The following DNAJC10 variants were observed in gnomAD, a reference collection of about 807,000 sequenced individuals.
The protein encoded by DNAJC10 is DnaJ heat shock protein family (Hsp40) member C10.
Under a neutral mutation model 115.0 loss-of-function variants are expected in DNAJC10, and 101 were observed. The observed-to-expected ratio is 0.88, with a 90% CI of 0.75 to 1.04. The LOEUF is 1.04. Among genes scored for constraint, DNAJC10 ranks in the 50% least tolerant of loss-of-function variants. The pLI is 0.00. For synonymous variants in DNAJC10, 307 were observed against 301.5 expected (o/e 1.02, Z -0.19); for missense variants, 981 against 928.8 (o/e 1.06, Z -0.73).
chr2:182,762,661 A>G (rs753334714), intron 21 of DNAJC10, 21 bp from the exon 22 acceptor site: 2 of 1,610,552 alleles, frequency 1.2e-6, no homozygotes, highest in East Asian at 2.2e-5. Flanking sequence ...GAAAATGGCA[A>G]ACTGTATTTT....
chr2:182,733,164 T>C (rs1015353153), intron 10 of DNAJC10, among the ~76,000 whole-genome samples: 3 of 152,076 alleles, frequency 2.0e-5, no homozygotes, highest in Admixed American at 6.5e-5. Context: ...CCATCCATCA[T>C]TGATTTATCT....
At chr2:182,753,594 T>TG (rs1218368084) in intron 16 of DNAJC10, among the ~76,000 whole-genome samples, 39 of 143,892 alleles carry the variant, frequency 2.7e-4, no homozygotes, top group African/African-American at 9.8e-4. Flanking sequence ...TTTTTTTTTT[T>TG]TTTTTTGAGA....
At chr2:182,734,302 C>T (rs1262153588) in intron 10 of DNAJC10, among the ~76,000 whole-genome samples, 1 of 151,282 alleles carries the variant, frequency 6.6e-6, no homozygotes, top group Non-Finnish European at 1.5e-5. Context: ...TTTTGATTAT[C>T]AGTTTAAAAT....
rs933734696 is a variant in DNAJC10, at chr2:182,784,628, A to T, written c.*7496A>T. On this transcript the variant is annotated 3_prime_UTR_variant, in exon 24 of 24. Coordinates refer to ENST00000264065, the MANE Select transcript of DNAJC10 (RefSeq NM_018981.4). ...TAAATTCATTGTTTTATGCCTTAAA[A>T]ATTATAAATAATGATAAGTTTAATT... 2 of 152,224 alleles carry T rather than the reference A, an allele frequency of 1.3e-5. No individual in the cohort carries two copies. Among genetic ancestry groups the T allele is most frequent in the Non-Finnish European group, 2.9e-5 (2 of 68,038 alleles). 9.4% of individuals were successfully genotyped at this position (152,224 alleles called of 1,614,324 possible). A position where few individuals can be genotyped will look rare whatever the true frequency, so the allele number is the denominator to read the frequency against.
rs1574933488 is a variant in DNAJC10, at chr2:182,741,403, G to A, written c.1191+47G>A. The A allele has an allele frequency of 3.1e-6, 3 of 970,138 alleles. 1 individual carries two copies. The highest frequency in any genetic ancestry group is 3.5e-5 in the South Asian group (2 of 57,568). 60.1% of individuals were successfully genotyped at this position (970,138 alleles called of 1,614,324 possible). ...TAGCCTTCTGCTGGTGTACTTTGTT[G>A]TTAATTTAATGCATATAATTAAATT... On this transcript the variant is annotated intron_variant, in intron 13 of 23. Transcript: ENST00000264065.
chr2:182,721,795 A>G (rs1382111396), intron 4 of DNAJC10, among the ~76,000 whole-genome samples: 1 of 152,104 alleles, frequency 6.6e-6, no homozygotes, highest in African/African-American at 2.4e-5. Context: ...GAACTACCGC[A>G]TACACATCTA....
chr2:182,741,893 A>G (rs1693746633), intron 13 of DNAJC10, among the ~76,000 whole-genome samples: 1 of 151,922 alleles, frequency 6.6e-6, no homozygotes, highest in African/African-American at 2.4e-5. Context: ...GTAAATTTAT[A>G]TGTCTGTGTT....
rs997781715 is a variant in DNAJC10 at position 182,783,736 on chromosome 2, G to A, written c.*6604G>A. ...TAAACATGTTTATATATATTTTTCA[G>A]ACTTGGAACAGCAGTATCTCATGTT... On this transcript the variant is annotated 3_prime_UTR_variant, in exon 24 of 24. Transcript: ENST00000264065. 6.6e-6 allele frequency: 1 copy of A among 152,038 alleles called. No homozygotes were observed. The allele number at this position is 152,038 out of a possible 1,614,324, so 9.4% of individuals were successfully genotyped here.
At chr2:182,728,379 TG>T (rs1386010722) in intron 5 of DNAJC10, among the ~76,000 whole-genome samples, 196 bp from the exon 6 acceptor site, 2 of 152,138 alleles carry the variant, frequency 1.3e-5, no homozygotes, top group Non-Finnish European at 2.9e-5. Flanking sequence ...ATGTTTCTTG[TG>T]GAAAAAAAAT....
At chr2:182,774,883 C>T (rs529288759) in intron 22 of DNAJC10, among the ~76,000 whole-genome samples, 1 of 152,240 alleles carries the variant, frequency 6.6e-6, no homozygotes, top group Non-Finnish European at 1.5e-5. Context: ...TCCAACCAGT[C>T]CCAATGAGAA....
intron 17 of DNAJC10, among the ~76,000 whole-genome samples, chr2:182,756,092 CT>C (rs771746268): frequency 1.3e-5 from 2 of 152,078 alleles, no homozygotes; most frequent in African/African-American, 2.4e-5. Context: ...TTGAGCACCC[CT>C]AATCCAAAAA....
At chr2:182,752,955 T>G (rs1438038881) in intron 16 of DNAJC10, among the ~76,000 whole-genome samples, 1 of 152,158 alleles carries the variant, frequency 6.6e-6, no homozygotes, top group East Asian at 1.9e-4. Context: ...TGGATGCAGT[T>G]TAAACAAACC....
rs1186266090 is a variant in DNAJC10, at chr2:182,790,690, G to A, written c.*13558G>A. On this transcript the variant is annotated 3_prime_UTR_variant, in exon 24 of 24. Transcript: ENST00000264065. Reference sequence around the variant, plus strand: ...TGTAATCCCAGCTACTTGGGAGTCTGAGACAGGAAAATCGCTTGAACCCGG... The same window carrying A: ...TGTAATCCCAGCTACTTGGGAGTCTAAGACAGGAAAATCGCTTGAACCCGG... 6.6e-6 allele frequency: 1 copy of A among 151,700 alleles called. No homozygotes were observed. The highest frequency in any genetic ancestry group is 1.5e-5 in the Non-Finnish European group (1 of 68,024). 9.4% of individuals were successfully genotyped at this position (151,700 alleles called of 1,614,324 possible). A position where few individuals can be genotyped will look rare whatever the true frequency, so the allele number is the denominator to read the frequency against.
In DNAJC10 at chr2:182,777,567, A is replaced by C. The variant is rs1034913801; in HGVS notation, c.*435A>C. On this transcript the variant is annotated 3_prime_UTR_variant, in exon 24 of 24. Coordinates refer to ENST00000264065, the MANE Select transcript of DNAJC10 (RefSeq NM_018981.4). ...AACATGAGTCTGCTGTGCTATCTAC[A>C]TAAATGTCTAAGTTGTATAAAGTCC... 6.5e-6 allele frequency: 1 copy of C among 152,742 alleles called. No homozygotes were observed. Among genetic ancestry groups the C allele is most frequent in the African/African-American group, 2.4e-5 (1 of 41,482 alleles). 9.5% of individuals were successfully genotyped at this position (152,742 alleles called of 1,614,324 possible).
rs288240 is a variant in DNAJC10, at chr2:182,779,464, T to C, written c.*2332T>C. On this transcript the variant is annotated 3_prime_UTR_variant, in exon 24 of 24. Coordinates refer to ENST00000264065, the MANE Select transcript of DNAJC10 (RefSeq NM_018981.4). ...TCCATTTAAAGTATGTGGCTTACAG[T>C]CAGGTATGGTGGTGTGCGCCTATTG... The C allele has an allele frequency of 0.68, 103,275 of 152,058 alleles. 35,777 individuals carry two copies. The highest frequency in any genetic ancestry group is 0.8 in the African/African-American group (33,369 of 41,496). The allele number at this position is 152,058 out of a possible 1,614,324, so 9.4% of individuals were successfully genotyped here. A position where few individuals can be genotyped will look rare whatever the true frequency, so the allele number is the denominator to read the frequency against.
Position 182,781,084 on chromosome 2 carries a change from A to T in DNAJC10, c.*3952A>T, listed in dbSNP as rs1418252691. 6.6e-6 allele frequency: 1 copy of T among 151,980 alleles called. No individual in the cohort carries two copies. Among genetic ancestry groups the T allele is most frequent in the Admixed American group, 6.6e-5 (1 of 15,238 alleles). 9.4% of individuals were successfully genotyped at this position (151,980 alleles called of 1,614,324 possible). On this transcript the variant is annotated 3_prime_UTR_variant, in exon 24 of 24. Transcript: ENST00000264065. ...CTGCACCCATCAACCTGTCATCTAC[A>T]TTAGCTATTTCTTCTAATGTTGTCC... is the stretch of plus-strand genomic sequence containing the variant.
Position 182,756,345 on chromosome 2 carries a change from C to A in DNAJC10, c.1685C>A (p.Thr562Lys), listed in dbSNP as rs138065612. 7.4e-6 allele frequency: 12 copies of A among 1,613,764 alleles called. No individual in the cohort carries two copies. The East Asian group carries it at 2.5e-4, about 33-fold the overall frequency. The change falls in exon 18 of 24, where the codon ACA becomes AAA. Residue 562 changes from threonine (T) to lysine (K), a missense_variant. Physicochemically the swap from Thr to Lys is moderately conservative, Grantham distance 78. Coordinates refer to ENST00000264065, the MANE Select transcript of DNAJC10 (RefSeq NM_018981.4). ...DLMNPSVVSL[T>K]PTTFNELVTQ... is the part of the protein sequence containing the mutation. ...ATGAATCCTTCAGTGGTCTCCCTTA[C>A]ACCCACCACCTTCAACGAACTAGTT... is the stretch of plus-strand genomic sequence containing the variant.
intron 13 of DNAJC10, 120 bp from the exon 14 acceptor site, chr2:182,743,478 A>G (rs771918318): frequency 1.3e-5 from 9 of 678,918 alleles, no homozygotes; most frequent in Non-Finnish European, 2.1e-5. Context: ...TTCGTAGCCT[A>G]TTAGCTTCTG....
chr2:182,745,260 G>A (rs1015068203), intron 14 of DNAJC10, among the ~76,000 whole-genome samples: 9 of 152,188 alleles, frequency 5.9e-5, no homozygotes, highest in African/African-American at 2.2e-4. Context: ...GTCTGGCTCT[G>A]CCAGTTTTTC....
Sources: gnomAD v4.1 joint callset for allele counts (sites outside exome capture counted in the v4.1 genomes callset) on GRCh38, gnomAD v4.1.1 for gene constraint, MANE v1.5 for transcripts, NCBI Gene and HGNC (gene_info 2026-07-23, HGNC 2026-07-21) for gene names.